ERG: variants seen among roughly 807,000 people sequenced by gnomAD.
ERG encodes the protein transcriptional regulator ERG.
In ERG, 9 loss-of-function variants were observed where a neutral mutation model predicts 55.3. The observed-to-expected ratio is 0.16, with a 90% CI of 0.10 to 0.28. ERG has a LOEUF of 0.28. ERG is among the 10% of genes least tolerant of loss of function. ERG has a pLI of 1.00. For missense variants in ERG, 434 were observed against 631.6 expected (o/e 0.69, Z 3.35); for synonymous variants, 223 against 237.3 (o/e 0.94, Z 0.55).
At chr21:38,628,728 A>C (rs1464760963) in intron 1 of ERG, among the ~76,000 whole-genome samples, 1 of 152,192 alleles carries the variant, frequency 6.6e-6, no homozygotes, top group African/African-American at 2.4e-5. Context: ...TTCCCTCCAG[A>C]AGCTACAAGC....
chr21:38,503,020 C>G (rs544642389), upstream of ERG, among the ~76,000 whole-genome samples: 3 of 152,002 alleles, frequency 2.0e-5, no homozygotes, highest in African/African-American at 7.2e-5. Flanking sequence ...CCACCACGCC[C>G]GGCCAATAAC....
At chr21:38,438,794 C>T (rs1489431519) in intron 2 of ERG, among the ~76,000 whole-genome samples, 1 of 152,224 alleles carries the variant, frequency 6.6e-6, no homozygotes, top group Non-Finnish European at 1.5e-5. Context: ...AGCTGCTGGG[C>T]TTTCTCATTT....
Position 38,411,587 on chromosome 21 carries a change from C to T in ERG, c.389-7878G>A, listed in dbSNP as rs183035447. 1.9e-3 allele frequency among the ~76,000 whole-genome samples: 291 copies of T among 152,320 alleles called. 1 individual carries two copies. The highest frequency in any genetic ancestry group is 6.5e-3 in the Admixed American group (100 of 15,300). The stretch of plus-strand genomic sequence containing the variant: ...CCTCCCAAAGTGCTGGGATTGCAGG[C>T]GTGAGCCACCATGCCCAGCTGAAAT... On this transcript the variant is annotated intron_variant, in intron 3 of 9. Coordinates refer to ENST00000288319, the MANE Select transcript of ERG (RefSeq NM_182918.4).
intron 1 of ERG, among the ~76,000 whole-genome samples, chr21:38,610,522 C>CGT (rs1491286751): frequency 1.1e-4 from 13 of 115,426 alleles, no homozygotes; most frequent in Admixed American, 6.0e-4. Context: ...CGTGCGCGCA[C>CGT]GCGCGTGTGT....
upstream of ERG, among the ~76,000 whole-genome samples, chr21:38,586,627 AG>A (rs1265177120): frequency 6.6e-6 from 1 of 152,230 alleles, no homozygotes; most frequent in African/African-American, 2.4e-5. Flanking sequence ...AACGTAGATC[AG>A]TACAGTCATT....
At chr21:38,639,355 T>TA (rs763274554) in intron 1 of ERG, among the ~76,000 whole-genome samples, 21 of 147,100 alleles carry the variant, frequency 1.4e-4, no homozygotes, top group Non-Finnish European at 2.7e-4. Flanking sequence ...CAAAAAGAGA[T>TA]GTTTTAACTT....
At chr21:38,367,754 A>G in the ERG span, 3 of 439,236 alleles carry the variant, frequency 6.8e-6, no homozygotes, top group Non-Finnish European at 1.4e-5. Flanking sequence ...TTCATCAACA[A>G]TAACTAACCA....
intron 1 of ERG, among the ~76,000 whole-genome samples, chr21:38,448,462 T>G (rs113268117): frequency 2.0e-5 from 3 of 152,288 alleles, no homozygotes; most frequent in African/African-American, 7.2e-5. Flanking sequence ...GTCCACATTT[T>G]GAAAAGACAG....
chr21:38,479,344 C>T (rs557946962), intron 1 of ERG, among the ~76,000 whole-genome samples: 19 of 152,184 alleles, frequency 1.2e-4, no homozygotes, highest in Non-Finnish European at 2.5e-4. Flanking sequence ...AGCTGCCACC[C>T]TTGAGACCTG....
At chr21:38,520,935 G>T (rs1274014720) in intron 2 of ERG, among the ~76,000 whole-genome samples, 2 of 152,196 alleles carry the variant, frequency 1.3e-5, no homozygotes, top group East Asian at 3.9e-4. Flanking sequence ...TCAGTTGGGA[G>T]CTGGATATAT....
At chr21:38,581,776 G>A (rs1379800670) in intron 1 of ERG, among the ~76,000 whole-genome samples, 2 of 152,200 alleles carry the variant, frequency 1.3e-5, no homozygotes, top group African/African-American at 2.4e-5. Flanking sequence ...AGGCGCGGTG[G>A]CTCACGCCTG....
chr21:38,533,014 C>A (rs2059683809), intron 2 of ERG, among the ~76,000 whole-genome samples: 1 of 152,166 alleles, frequency 6.6e-6, no homozygotes, highest in African/African-American at 2.4e-5. Context: ...AGCAGGAAGT[C>A]AGTAAAATCA....
At chr21:38,458,456 T>A (rs1283635772) in intron 1 of ERG, among the ~76,000 whole-genome samples, 2 of 149,082 alleles carry the variant, frequency 1.3e-5, no homozygotes, top group African/African-American at 5.0e-5. Flanking sequence ...ATGCACCAAG[T>A]AGTGGCCAGT....
intron 1 of ERG, among the ~76,000 whole-genome samples, chr21:38,632,195 C>A (rs2060360759): frequency 6.6e-6 from 1 of 151,958 alleles, no homozygotes; most frequent in South Asian, 2.1e-4. Context: ...TTTGCCTCTA[C>A]ATTCTTATCT....
chr21:38,397,081 T>C (rs1455256405), intron 6 of ERG, among the ~76,000 whole-genome samples: 1 of 152,050 alleles, frequency 6.6e-6, no homozygotes, highest in African/African-American at 2.4e-5. Flanking sequence ...AAATACTAGG[T>C]ACGGGCATGC....
chr21:38,461,297 C>A (rs754613978), intron 1 of ERG, among the ~76,000 whole-genome samples: 5 of 152,124 alleles, frequency 3.3e-5, no homozygotes, highest in African/African-American at 1.2e-4. Context: ...GTCCAAATTA[C>A]CTCTTTTTAT....
chr21:38,646,517 A>C (rs1176379993), intron 1 of ERG, among the ~76,000 whole-genome samples: 1 of 152,138 alleles, frequency 6.6e-6, no homozygotes, highest in Non-Finnish European at 1.5e-5. Flanking sequence ...CTTCCTAAGA[A>C]TCTGCTTTTC....
At chr21:38,410,610 T>TA (rs1182182713) in intron 3 of ERG, among the ~76,000 whole-genome samples, 3 of 151,984 alleles carry the variant, frequency 2.0e-5, no homozygotes, top group Admixed American at 6.6e-5. Context: ...GGCTGACATT[T>TA]AAAAAAAATA....
intron 3 of ERG, among the ~76,000 whole-genome samples, chr21:38,409,200 C>CAGGCTG (rs1988921833): frequency 6.6e-6 from 1 of 152,036 alleles, no homozygotes; most frequent in South Asian, 2.1e-4. Context: ...TCTCTGTGAT[C>CAGGCTG]AGGCTGGGCG....
Sources: allele counts gnomAD v4.1 joint callset (sites outside exome capture counted in the v4.1 genomes callset), GRCh38; gene constraint gnomAD v4.1.1; transcripts MANE v1.5; gene names NCBI Gene and HGNC (gene_info 2026-07-23, HGNC 2026-07-21).